Variants in ITGA11 observed in about 807,000 individuals in gnomAD.
The protein encoded by ITGA11 is integrin alpha-11.
ITGA11 carries 97 observed loss-of-function variants against 141.9 expected under a neutral mutation model. That is an observed-to-expected ratio of 0.68 (90% confidence interval 0.58 to 0.81). ITGA11 has a LOEUF of 0.81. Among genes scored for constraint, ITGA11 ranks in the 30% least tolerant of loss-of-function variants. The pLI, the probability that ITGA11 is intolerant of heterozygous loss-of-function variation, is 0.00. For missense variants in ITGA11, 1,387 were observed against 1,559.2 expected, an observed-to-expected ratio of 0.89 and a Z score of 1.86; for synonymous variants, 658 against 624.6, an observed-to-expected ratio of 1.05 and a Z score of -0.80.
At chr15:68,327,866 C>T (rs1008897880) in intron 16 of ITGA11, among the ~76,000 whole-genome samples, 1 of 152,196 alleles carries the variant, frequency 6.6e-6, no homozygotes, top group Non-Finnish European at 1.5e-5. Flanking sequence ...CTTCTCCTGT[C>T]CTCCCTGTCA....
At chr15:68,390,609 C>T (rs1205579934) in intron 2 of ITGA11, among the ~76,000 whole-genome samples, 1 of 152,176 alleles carries the variant, frequency 6.6e-6, no homozygotes, top group Non-Finnish European at 1.5e-5. Flanking sequence ...CCTGAGGTGT[C>T]GGAAGCCAGG....
Position 68,302,986 on chromosome 15 carries a change from C to T in ITGA11, c.*73G>A. 1 of 1,273,808 alleles carries T rather than the reference C, an allele frequency of 7.9e-7. No individual in the cohort carries two copies. The highest frequency in any genetic ancestry group is 1.1e-6 in the Non-Finnish European group (1 of 917,008). 78.9% of individuals were successfully genotyped at this position (1,273,808 alleles called of 1,614,324 possible). A position where few individuals can be genotyped will look rare whatever the true frequency, so the allele number is the denominator to read the frequency against. On this transcript the variant is annotated 3_prime_UTR_variant, in exon 30 of 30. Transcript: ENST00000315757. ...TCCTCTCCGCTCCAGCTCGGTGGGG[C>T]CACAGGCCTGGGTCTCAACACTACC...
chr15:68,361,508 C>A, intron 5 of ITGA11, 82 bp downstream of exon 5: 2 of 887,914 alleles, frequency 2.3e-6, no homozygotes, highest in South Asian at 1.5e-5. Context: ...TGCTTTCTAG[C>A]CACAGGTTGT....
intron 5 of ITGA11, among the ~76,000 whole-genome samples, chr15:68,359,830 ACT>A (rs1895187233): frequency 6.6e-6 from 1 of 151,996 alleles, no homozygotes; most frequent in Admixed American, 6.6e-5. Flanking sequence ...TAATGCATAC[ACT>A]CTGCGTCTGG....
chr15:68,343,231 G>A (rs145652230), intron 10 of ITGA11, among the ~76,000 whole-genome samples: 132 of 152,252 alleles, frequency 8.7e-4, no homozygotes, highest in African/African-American at 3.0e-3. Flanking sequence ...TCGTCATTGC[G>A]GTAGCATGTG....
intron 1 of ITGA11, among the ~76,000 whole-genome samples, chr15:68,408,730 C>T (rs572106626): frequency 2.0e-5 from 3 of 152,156 alleles, no homozygotes; most frequent in African/African-American, 7.2e-5. Flanking sequence ...AAATGTGGAG[C>T]CGGGGAAAAG....
At position 68,349,022 on chromosome 15, in the gene ITGA11, CG is replaced by C. The variant is rs1407535906; in HGVS notation, c.1061-123del. 25 of 731,236 alleles carry C rather than the reference CG, an allele frequency of 3.4e-5. No individual in the cohort carries two copies. The African/African-American group carries it at 6.2e-4, about 18-fold the overall frequency. 45.3% of individuals were successfully genotyped at this position (731,236 alleles called of 1,614,324 possible). On this transcript the variant is annotated intron_variant, in intron 9 of 29. Coordinates refer to ENST00000315757, the MANE Select transcript of ITGA11 (RefSeq NM_001004439.2). ...ATCGTCAGGAGGTGGGGCTCTCTTT[CG>C]AGGGGGGGCTCTGAAGCTGAGGCCA...
At chr15:68,415,902 C>G (rs534672981) in intron 1 of ITGA11, among the ~76,000 whole-genome samples, 4 of 152,292 alleles carry the variant, frequency 2.6e-5, no homozygotes, top group Admixed American at 2.6e-4. Flanking sequence ...ATCAGATGAA[C>G]TTGATATTCA....
chr15:68,329,900 G>A (rs1174578277), intron 15 of ITGA11, among the ~76,000 whole-genome samples: 4 of 152,202 alleles, frequency 2.6e-5, no homozygotes, highest in Non-Finnish European at 2.9e-5. Context: ...GGGCACCACC[G>A]GGACTGTTGG....
chr15:68,336,091 G>A, intron 11 of ITGA11: 2 of 561,622 alleles, frequency 3.6e-6, no homozygotes, highest in Non-Finnish European at 3.2e-6. Flanking sequence ...CCCTGCTGGA[G>A]AAAATAAAGG....
At position 68,320,194 on chromosome 15, in the gene ITGA11, C is replaced by A. The variant is rs760385362; in HGVS notation, c.2607G>T (p.Leu869Phe). Residue 869 changes from leucine (L) to phenylalanine (F), a missense_variant, in exon 20 of 30, where the codon TTG becomes TTT. Leu to Phe is a conservative substitution (Grantham distance 22, BLOSUM62 0). Transcript: ENST00000315757. ...SQSANLQFAS[L>F]IQKEDSDGSI... ...GTCGCTGAGGTCTTACCTTCTGGAT[C>A]AAGCTGGCAAACTGCAGGTTTGCTG... 3.1e-6 allele frequency: 5 copies of A among 1,613,982 alleles called. No homozygotes were observed. In the South Asian group the frequency reaches 5.5e-5, roughly 18 times the overall value.
chr15:68,335,973 G>A lies in ITGA11; in HGVS notation c.1277-128C>T. The A allele has an allele frequency of 9.1e-7, 1 of 1,103,414 alleles. No homozygotes were observed. Among genetic ancestry groups the A allele is most frequent in the Non-Finnish European group, 1.3e-6 (1 of 772,458 alleles). The allele number at this position is 1,103,414 out of a possible 1,614,324, so 68.4% of individuals were successfully genotyped here. On this transcript the variant is annotated intron_variant, in intron 11 of 29. Transcript: ENST00000315757. The surrounding 1 kb of genome is among the most constrained non-coding windows in gnomAD (Gnocchi z 4.9). Reference sequence around the variant, plus strand: ...GGGTAGGTTCAGGGCTAGCTGAGCAGATTCAATCACGCAGGGCCATAATTC... The same window carrying A: ...GGGTAGGTTCAGGGCTAGCTGAGCAAATTCAATCACGCAGGGCCATAATTC...
rs1719886490 is a variant in ITGA11 at position 68,432,152 on chromosome 15, G to A, written c.-86C>T. The A allele has an allele frequency of 1.9e-6, 2 of 1,054,962 alleles. No homozygotes were observed. The highest frequency in any genetic ancestry group is 2.5e-6 in the Non-Finnish European group (2 of 804,726). The allele number at this position is 1,054,962 out of a possible 1,614,324, so 65.4% of individuals were successfully genotyped here. A position where few individuals can be genotyped will look rare whatever the true frequency, so the allele number is the denominator to read the frequency against. ...CGGCAGCCTCCTCGGCGCGGCGCCT[G>A]CAGCCTGCACTGCGCGGGGCGCCGG... On this transcript the variant is annotated 5_prime_UTR_variant, in exon 1 of 30. Transcript: ENST00000315757.
At position 68,424,205 on chromosome 15, in the gene ITGA11, C is replaced by T. The variant is rs992905675; in HGVS notation, c.52+7810G>A. Among the ~76,000 whole-genome samples, 30 of 152,362 alleles carry T rather than the reference C, an allele frequency of 2.0e-4. 1 individual carries two copies. The highest frequency in any genetic ancestry group is 6.5e-4 in the African/African-American group (27 of 41,584). On this transcript the variant is annotated intron_variant, in intron 1 of 29. Transcript: ENST00000315757. ...GCTCCAATCTGCAAAGTCCACCTTG[C>T]ACTCAGCTTCTCAAACTCTCAAGCT...
rs1163493998 is a variant in ITGA11 at position 68,358,472 on chromosome 15, G to A, written c.586C>T (p.Pro196Ser). ...INILKKFYIGPGQIQVGVVQY... is the reference protein window; with the variant it reads ...INILKKFYIGSGQIQVGVVQY... ...GAGATGCTCACCTGGATCTGCCCTG[G>A]GCCAATGTAAAACTTTTTCAGGATG... Residue 196 changes from proline (P) to serine (S), a missense_variant, in exon 6 of 30, where the codon CCA becomes TCA. Transcript: ENST00000315757. 6.2e-7 allele frequency: 1 copy of A among 1,611,210 alleles called. No homozygotes were observed. Among genetic ancestry groups the A allele is most frequent in the Non-Finnish European group, 8.5e-7 (1 of 1,178,830 alleles).
chr15:68,415,314 G>C (rs1207124477), intron 1 of ITGA11, among the ~76,000 whole-genome samples: 1 of 152,190 alleles, frequency 6.6e-6, no homozygotes, highest in African/African-American at 2.4e-5. Flanking sequence ...GGAATAATGG[G>C]ACGAAGAAAT....
intron 15 of ITGA11, among the ~76,000 whole-genome samples, chr15:68,330,043 G>T (rs1438406328): frequency 6.6e-6 from 1 of 152,238 alleles, no homozygotes; most frequent in South Asian, 2.1e-4. Flanking sequence ...AGAGCAGCAC[G>T]CGTGGTGAGG....
At chr15:68,376,113 G>T (rs1895720602) in intron 2 of ITGA11, among the ~76,000 whole-genome samples, 1 of 152,128 alleles carries the variant, frequency 6.6e-6, no homozygotes, top group Admixed American at 6.5e-5. Flanking sequence ...GTTTATATGG[G>T]GGAAACAGAG....
At chr15:68,411,273 A>G (rs1433077260) in intron 1 of ITGA11, among the ~76,000 whole-genome samples, 2 of 152,224 alleles carry the variant, frequency 1.3e-5, no homozygotes, top group Admixed American at 1.3e-4. Context: ...GTTAAAGTAG[A>G]AATTTCAGCT....
Sources: gnomAD v4.1 joint callset for allele counts (sites outside exome capture counted in the v4.1 genomes callset) on GRCh38, gnomAD v4.1.1 for gene constraint, Gnocchi (gnomAD v3.1) non-coding constraint, MANE v1.5 for transcripts, NCBI Gene and HGNC (gene_info 2026-07-23, HGNC 2026-07-21) for gene names.